The following USO1 variants were observed in gnomAD, a reference collection of about 807,000 sequenced individuals.
The protein encoded by USO1 is USO1 vesicle transport factor, also known as general vesicular transport factor p115.
USO1 carries 57 observed loss-of-function variants against 124.5 expected under a neutral mutation model. The observed-to-expected ratio is 0.46, with a 90% CI of 0.37 to 0.57. USO1 has a LOEUF of 0.57. USO1 is among the 20% of genes least tolerant of loss of function. USO1 has a pLI of 0.00. For missense variants in USO1, 900 were observed against 1,040.6 expected (o/e 0.86, Z 1.86); for synonymous variants, 369 against 362.8 (o/e 1.02, Z -0.19).
At chr4:75,733,410 C>A (rs1249656871) in intron 1 of USO1, among the ~76,000 whole-genome samples, 1 of 152,194 alleles carries the variant, frequency 6.6e-6, no homozygotes, top group Non-Finnish European at 1.5e-5. Context: ...AGTGACTGAA[C>A]TAAAATTACA....
intron 13 of USO1, among the ~76,000 whole-genome samples, chr4:75,797,938 A>G (rs887052962): frequency 6.6e-6 from 1 of 152,210 alleles, no homozygotes; most frequent in Non-Finnish European, 1.5e-5. Context: ...AATTTTATAA[A>G]TTAACTTAGA....
chr4:75,796,186 G>C (rs1577967810), intron 13 of USO1, among the ~76,000 whole-genome samples: 2 of 152,002 alleles, frequency 1.3e-5, no homozygotes, highest in East Asian at 3.9e-4. Context: ...TCATTTGAAA[G>C]GGAATTTTTT....
rs529652110 is a variant in USO1, at chr4:75,771,993, G to A, written c.555+856G>A. On this transcript the variant is annotated intron_variant, in intron 7 of 23. Transcript: ENST00000514213. Reference sequence around the variant, plus strand: ...AAGTTAAGTGTTCTTTGTTAGCCATGTCTTACTCATCTTTTTATTTATGGT... The same window carrying A: ...AAGTTAAGTGTTCTTTGTTAGCCATATCTTACTCATCTTTTTATTTATGGT... Among the ~76,000 whole-genome samples, 22 of 152,246 alleles carry A rather than the reference G, an allele frequency of 1.4e-4. No individual in the cohort carries two copies. In the South Asian group the frequency reaches 2.1e-3, roughly 14 times the overall value.
intron 4 of USO1, among the ~76,000 whole-genome samples, chr4:75,768,899 A>G (rs1721844093): frequency 6.6e-6 from 1 of 152,224 alleles, no homozygotes; most frequent in Non-Finnish European, 1.5e-5. Context: ...CTTACTTGGT[A>G]TATGCACTTG....
chr4:75,736,199 C>T (rs1454610680), intron 1 of USO1, among the ~76,000 whole-genome samples: 1 of 150,816 alleles, frequency 6.6e-6, no homozygotes, highest in Non-Finnish European at 1.5e-5. Flanking sequence ...CCTTCCAGAC[C>T]TTTATACGTA....
chr4:75,730,029 C>A, intron 1 of USO1: 1 of 294,074 alleles, frequency 3.4e-6, no homozygotes, highest in Non-Finnish European at 6.8e-6. Context: ...ATAACCAGGT[C>A]AATGTCATAA....
In USO1 at chr4:75,790,946, C is replaced by A. The variant is rs545170279; in HGVS notation, c.1240+149C>A. The A allele has an allele frequency of 9.1e-6, 10 of 1,103,006 alleles. No individual in the cohort carries two copies. The Admixed American group carries it at 3.1e-4, about 34-fold the overall frequency. The allele number at this position is 1,103,006 out of a possible 1,614,324, so 68.3% of individuals were successfully genotyped here. On this transcript the variant is annotated intron_variant, in intron 12 of 23. Coordinates refer to ENST00000514213, the MANE Select transcript of USO1 (RefSeq NM_003715.4). ...AAACAAAAACACCTGAATTCTAAGG[C>A]CTGCAGGTAAATTTAGACAACAGGC...
Position 75,752,558 on chromosome 4 carries a change from G to T in USO1, c.172G>T (p.Gly58Cys), listed in dbSNP as rs1329800386. ...TGTGCAGAAATACCGCTTGGAAGTG[G>T]GTATACAAGCTATGGAACATCTTAT... is the stretch of plus-strand genomic sequence containing the variant. ...SLSKKYRLEV[G>C]IQAMEHLIHV... Residue 58 changes from glycine (G) to cysteine (C), a missense_variant, in exon 3 of 24, where the codon GGT (glycine) becomes TGT (cysteine). Coordinates refer to ENST00000514213, the MANE Select transcript of USO1 (RefSeq NM_003715.4). 2.5e-6 allele frequency: 1 copy of T among 398,226 alleles called. No homozygotes were observed. The highest frequency in any genetic ancestry group is 3.6e-5 in the East Asian group (1 of 28,052). The allele number at this position is 398,226 out of a possible 1,614,324, so 24.7% of individuals were successfully genotyped here.
chr4:75,811,962 C>T (rs1444438176), intron 22 of USO1, among the ~76,000 whole-genome samples, 198 bp from the exon 23 acceptor site: 1 of 151,980 alleles, frequency 6.6e-6, no homozygotes, highest in Non-Finnish European at 1.5e-5. Context: ...TATTTTTTGG[C>T]AATAACCATT....
chr4:75,760,703 A>G, intron 4 of USO1: 1 of 394,430 alleles, frequency 2.5e-6, no homozygotes, highest in Non-Finnish European at 4.5e-6. Flanking sequence ...GCTGGTAAAA[A>G]AAAAATCTGA....
At position 75,813,600 on chromosome 4, in the gene USO1, C is replaced by A; in HGVS notation, c.*305C>A. On this transcript the variant is annotated 3_prime_UTR_variant, in exon 24 of 24. Coordinates refer to ENST00000514213, the MANE Select transcript of USO1 (RefSeq NM_003715.4). The stretch of plus-strand genomic sequence containing the variant: ...GGTGACAATGCTATTTGCCTTAGTT[C>A]ATTCGTTGTTTACTTTGCAAAATTT... The A allele has an allele frequency of 5.1e-6, 1 of 197,292 alleles. No individual in the cohort carries two copies. 12.2% of individuals were successfully genotyped at this position (197,292 alleles called of 1,614,324 possible).
intron 1 of USO1, among the ~76,000 whole-genome samples, chr4:75,736,297 T>C (rs1720788241): frequency 6.7e-6 from 1 of 149,092 alleles, no homozygotes; most frequent in South Asian, 2.1e-4. Flanking sequence ...TATTGTGTTC[T>C]ACAGCTTACC....
At chr4:75,727,923 T>G (rs1294293382) in intron 1 of USO1, among the ~76,000 whole-genome samples, 2 of 150,712 alleles carry the variant, frequency 1.3e-5, no homozygotes, top group Non-Finnish European at 3.0e-5. Context: ...TTAACTACAG[T>G]GTGCATATAT....
intron 23 of USO1, 96 bp downstream of exon 23, chr4:75,812,471 T>C (rs1723177646): frequency 7.0e-7 from 1 of 1,436,580 alleles, no homozygotes; most frequent in South Asian, 1.3e-5. Context: ...TGTGCCTGTA[T>C]TATAGGAATG....
chr4:75,735,590 G>A (rs1720766736), intron 1 of USO1, among the ~76,000 whole-genome samples: 1 of 152,046 alleles, frequency 6.6e-6, no homozygotes, highest in Non-Finnish European at 1.5e-5. Flanking sequence ...GTGTGATCAC[G>A]TCTCACTTCA....
chr4:75,789,053 CT>C lies in USO1; in HGVS notation c.997-1087del, dbSNP rs561010332. Among the ~76,000 whole-genome samples the C allele has an allele frequency of 3.2e-3, 476 of 147,196 alleles. 3 individuals carry two copies. The highest frequency in any genetic ancestry group is 9.9e-3 in the South Asian group (46 of 4,642). On this transcript the variant is annotated intron_variant, in intron 10 of 23. Transcript: ENST00000514213. ...GAAGTTTGAAGCCATTATAATCCTCCTTTTTTTTTTATTGTAATCTTTTTCT... is the reference window on the plus strand; with the variant it reads ...GAAGTTTGAAGCCATTATAATCCTCCTTTTTTTTTATTGTAATCTTTTTCT...
intron 10 of USO1, among the ~76,000 whole-genome samples, chr4:75,787,605 A>G (rs1722399311): frequency 6.6e-6 from 1 of 152,190 alleles, no homozygotes; most frequent in African/African-American, 2.4e-5. Context: ...ACCTATAAGA[A>G]AAAGAAGTTA....
chr4:75,729,621 G>A (rs1219498133), intron 1 of USO1, among the ~76,000 whole-genome samples: 2 of 152,168 alleles, frequency 1.3e-5, no homozygotes, highest in African/African-American at 2.4e-5. Flanking sequence ...GATTATAGGC[G>A]TGAGCCACTG....
chr4:75,802,883 G>A (rs1448910252), intron 17 of USO1, among the ~76,000 whole-genome samples: 1 of 149,490 alleles, frequency 6.7e-6, no homozygotes, highest in Non-Finnish European at 1.5e-5. Context: ...GGGAGTTCGA[G>A]ACCAATCTGA....
Sources: allele counts gnomAD v4.1 joint callset (sites outside exome capture counted in the v4.1 genomes callset), GRCh38; gene constraint gnomAD v4.1.1; transcripts MANE v1.5; gene names NCBI Gene and HGNC (gene_info 2026-07-23, HGNC 2026-07-21).